The following MS4A8 variants were observed in gnomAD, a reference collection of about 807,000 sequenced individuals.
MS4A8 encodes membrane spanning 4-domains A8.
In MS4A8, 27 loss-of-function variants were observed where a neutral mutation model predicts 23.7. The ratio of observed to expected loss-of-function variants is 1.14; its 90% CI spans 0.84 to 1.57. The LOEUF (loss-of-function observed/expected upper bound fraction) is 1.57. Ranked by LOEUF, MS4A8 falls within the 40% of genes most tolerant of loss-of-function variation. MS4A8 has a pLI of 0.00. For missense variants in MS4A8, 301 were observed against 311.4 expected (o/e 0.97, Z 0.25); for synonymous variants, 138 against 126.3 (o/e 1.09, Z -0.62).
At chr11:60,711,832 CT>C (rs748597594) in intron 5 of MS4A8, 3 of 456,178 alleles carry the variant, frequency 6.6e-6, no homozygotes, top group South Asian at 4.6e-5. Flanking sequence ...AATCTTAGTT[CT>C]GCCAATGATT....
In MS4A8 at chr11:60,713,400, G is replaced by C. The variant is rs185398734; in HGVS notation, c.535-1621G>C. On this transcript the variant is annotated intron_variant, in intron 5 of 6. Coordinates refer to ENST00000300226, the MANE Select transcript of MS4A8 (RefSeq NM_031457.2). Reference sequence around the variant, plus strand: ...ATTGGGCATGGGTAATAGGATAATAGTGGAGAGAAGGTCAGAAGGTAAACA... The same window carrying C: ...ATTGGGCATGGGTAATAGGATAATACTGGAGAGAAGGTCAGAAGGTAAACA... 3.6e-3 allele frequency among the ~76,000 whole-genome samples: 547 copies of C among 152,220 alleles called. 3 individuals carry two copies. The highest frequency in any genetic ancestry group is 5.8e-3 in the Non-Finnish European group (394 of 68,046).
chr11:60,701,077 G>T lies in MS4A8; in HGVS notation c.217G>T (p.Gly73Trp). ...AGCTCTGAAAGAAGGCAAAACCTTG[G>T]GGGTAAGTGAGATTTCCCTTTGCAG... ...QKALKEGKTLGAIQIIIGLAH... is the reference protein window; with the variant it reads ...QKALKEGKTLWAIQIIIGLAH... The change falls in exon 2 of 7, where the codon GGG (glycine) becomes TGG (tryptophan). Residue 73 changes from glycine to tryptophan, a missense_variant and splice_region_variant. Gly to Trp is a radical substitution (Grantham distance 184). Transcript: ENST00000300226. 3 of 1,613,944 alleles carry T rather than the reference G, an allele frequency of 1.9e-6. No homozygotes were observed. The highest frequency in any genetic ancestry group is 1.3e-5 in the African/African-American group (1 of 75,028).
intron 5 of MS4A8, among the ~76,000 whole-genome samples, chr11:60,714,795 A>G (rs2088328178): frequency 6.6e-6 from 1 of 152,132 alleles, no homozygotes; most frequent in Admixed American, 6.5e-5. Flanking sequence ...AAACATGGTC[A>G]TCTTTTTTCT....
chr11:60,704,620 C>G (rs751487388), intron 3 of MS4A8, among the ~76,000 whole-genome samples: 1 of 152,140 alleles, frequency 6.6e-6, no homozygotes, highest in Non-Finnish European at 1.5e-5. Context: ...CAATCTAGAT[C>G]TGCAGATGGG....
Position 60,715,292 on chromosome 11 carries a change from T to C in MS4A8, c.649-18T>C. On this transcript the variant is annotated intron_variant, in intron 6 of 6. Coordinates refer to ENST00000300226, the MANE Select transcript of MS4A8 (RefSeq NM_031457.2). Reference sequence around the variant, plus strand: ...CCCGTCCTTCTTAGCATGCCCCCTGTGTGCCTGTGTTTTCCAGGTGAGTGT... The same window carrying C: ...CCCGTCCTTCTTAGCATGCCCCCTGCGTGCCTGTGTTTTCCAGGTGAGTGT... 6.2e-7 allele frequency: 1 copy of C among 1,609,970 alleles called. No individual in the cohort carries two copies. The highest frequency in any genetic ancestry group is 2.2e-5 in the East Asian group (1 of 44,862).
rs367670054 is a variant in MS4A8, at chr11:60,715,003, C to T, written c.535-18C>T. The T allele has an allele frequency of 1.3e-5, 20 of 1,584,644 alleles. No individual in the cohort carries two copies. Among genetic ancestry groups the T allele is most frequent in the Non-Finnish European group, 1.7e-5 (20 of 1,153,386 alleles). Reference sequence around the variant, plus strand: ...CCCAGTCCCGTGCTCCTGTCCTCCCCATCTGCTCTGCCTACAGAACCCTGG... The same window carrying T: ...CCCAGTCCCGTGCTCCTGTCCTCCCTATCTGCTCTGCCTACAGAACCCTGG... On this transcript the variant is annotated intron_variant, in intron 5 of 6. Transcript: ENST00000300226.
chr11:60,711,864 C>T (rs2088303428), intron 5 of MS4A8: 1 of 456,198 alleles, frequency 2.2e-6, no homozygotes, highest in Non-Finnish European at 4.4e-6. Context: ...TGAGAACTCG[C>T]CCCATGCCCA....
intron 5 of MS4A8, chr11:60,711,862 C>T (rs958626218): frequency 2.0e-5 from 9 of 456,050 alleles, no homozygotes; most frequent in Middle Eastern, 3.2e-4. Flanking sequence ...AATGAGAACT[C>T]GCCCCATGCC....
Position 60,715,387 on chromosome 11 carries a change from T to A in MS4A8, c.726T>A (p.Tyr242Ter), listed in dbSNP as rs1275554276. 1.2e-6 allele frequency: 2 copies of A among 1,613,872 alleles called. No individual in the cohort carries two copies. Among genetic ancestry groups the A allele is most frequent in the East Asian group, 4.5e-5 (2 of 44,870 alleles). The part of the protein sequence containing the change: ...TPEPVTSPPS[Y>*]SSEIQANK ...AACCGGTGACCTCACCACCAAGTTATTCCAGTGAGATCCAAGCAAATAAGT... is the reference window on the plus strand; with the variant it reads ...AACCGGTGACCTCACCACCAAGTTAATCCAGTGAGATCCAAGCAAATAAGT... The change falls in exon 7 of 7, where the codon TAT becomes TAA. Residue 242 changes from tyrosine (Y) to a stop codon, truncating the protein, a stop_gained. Coordinates refer to ENST00000300226, the MANE Select transcript of MS4A8 (RefSeq NM_031457.2). LOFTEE classifies it high-confidence loss of function.
chr11:60,701,036 G>A lies in MS4A8; in HGVS notation c.176G>A (p.Gly59Glu). 6.2e-7 allele frequency: 1 copy of A among 1,614,174 alleles called. No individual in the cohort carries two copies. Among genetic ancestry groups the A allele is most frequent in the Non-Finnish European group, 8.5e-7 (1 of 1,180,034 alleles). ...CCTAGTTTGGTGTCGAATGTGAATG[G>A]GCAGCCTGTGCAGAAAGCTCTGAAA... ...NPPSLVSNVN[G>E]QPVQKALKEG... is the part of the protein sequence containing the mutation. The change falls in exon 2 of 7, where the codon GGG becomes GAG. Residue 59 changes from glycine (G) to glutamate (E), a missense_variant. Transcript: ENST00000300226.
At position 60,715,795 on chromosome 11, in the gene MS4A8, A is replaced by G. The variant is rs1355515476; in HGVS notation, c.*381A>G. The G allele has an allele frequency of 3.8e-6, 1 of 262,782 alleles. No homozygotes were observed. Among genetic ancestry groups the G allele is most frequent in the East Asian group, 1.0e-4 (1 of 9,550 alleles). The allele number at this position is 262,782 out of a possible 1,614,324, so 16.3% of individuals were successfully genotyped here. On this transcript the variant is annotated 3_prime_UTR_variant, in exon 7 of 7. Transcript: ENST00000300226. ...TCAATTGTGCATTCATTTAATAAAT[A>G]GATACTGAGCATTCAATGTGTTCAA...
At chr11:60,705,247 G>A (rs1390574752) in intron 3 of MS4A8, among the ~76,000 whole-genome samples, 1 of 152,194 alleles carries the variant, frequency 6.6e-6, no homozygotes, top group Non-Finnish European at 1.5e-5. Flanking sequence ...CGTGGAATGT[G>A]GGGCTATGGA....
In MS4A8 at chr11:60,700,700, C is replaced by T. The variant is rs17545609; in HGVS notation, c.-1-160C>T. Reference sequence around the variant, plus strand: ...TGAAAGGAAATGTATTTGTAAAGCACCTCTTAAGTGCCCTATAACTGATAT... The same window carrying T: ...TGAAAGGAAATGTATTTGTAAAGCATCTCTTAAGTGCCCTATAACTGATAT... On this transcript the variant is annotated intron_variant, in intron 1 of 6. Coordinates refer to ENST00000300226, the MANE Select transcript of MS4A8 (RefSeq NM_031457.2). Among the ~76,000 whole-genome samples, 1,293 of 152,256 alleles carry T rather than the reference C, an allele frequency of 8.5e-3. 10 individuals are homozygous for T. The highest frequency in any genetic ancestry group is 0.014 in the Non-Finnish European group (968 of 68,024).
intron 1 of MS4A8, 85 bp from the exon 2 acceptor site, chr11:60,700,775 C>A: frequency 7.5e-7 from 1 of 1,329,234 alleles, no homozygotes; most frequent in Non-Finnish European, 1.1e-6. Context: ...TTAAGATGCT[C>A]CAATGAGCTA....
In MS4A8 at chr11:60,715,609, T is replaced by G. The variant is rs546190813; in HGVS notation, c.*195T>G. The G allele has an allele frequency of 9.7e-5, 56 of 578,844 alleles. No individual in the cohort carries two copies. Among genetic ancestry groups the G allele is most frequent in the Non-Finnish European group, 1.5e-4 (48 of 325,994 alleles). 35.9% of individuals were successfully genotyped at this position (578,844 alleles called of 1,614,324 possible). On this transcript the variant is annotated 3_prime_UTR_variant, in exon 7 of 7. Transcript: ENST00000300226. ...TCTATCAAGAAGAAGACAGAGATTT[T>G]AAACAGATGTTAACCAAGAGGGACT...
At chr11:60,700,369 A>G (rs964427412) in intron 1 of MS4A8, among the ~76,000 whole-genome samples, 2 of 151,320 alleles carry the variant, frequency 1.3e-5, no homozygotes, top group African/African-American at 4.8e-5. Flanking sequence ...AACAGGGGGA[A>G]ACCCCATCTC....
chr11:60,700,872 G>C lies in MS4A8; in HGVS notation c.12G>C (p.Met4Ile), dbSNP rs1168380345. The C allele has an allele frequency of 6.2e-7, 1 of 1,614,152 alleles. No homozygotes were observed. The highest frequency in any genetic ancestry group is 1.1e-5 in the South Asian group (1 of 91,068). Reference sequence around the variant, plus strand: ...TATTTCTTGGCAGCATGAATTCGATGACTTCAGCAGTTCCGGTGGCCAATT... The same window carrying C: ...TATTTCTTGGCAGCATGAATTCGATCACTTCAGCAGTTCCGGTGGCCAATT... The part of the protein sequence containing the change: MNS[M>I]TSAVPVANSV... Residue 4 changes from methionine (M) to isoleucine (I), a missense_variant, in exon 2 of 7, where the codon ATG (methionine) becomes ATC (isoleucine). Transcript: ENST00000300226.
chr11:60,708,906 C>G, intron 5 of MS4A8, 125 bp downstream of exon 5: 1 of 1,199,804 alleles, frequency 8.3e-7, no homozygotes, highest in Non-Finnish European at 1.2e-6. Context: ...GTGCTTTCAG[C>G]ATAGGAACAA....
At chr11:60,704,414 C>A (rs2088235109) in intron 3 of MS4A8, among the ~76,000 whole-genome samples, 1 of 152,096 alleles carries the variant, frequency 6.6e-6, no homozygotes, top group Non-Finnish European at 1.5e-5. Flanking sequence ...AGCCACCACA[C>A]CCGGCCAAAA....
Sources: allele counts gnomAD v4.1 joint callset (sites outside exome capture counted in the v4.1 genomes callset), GRCh38; gene constraint gnomAD v4.1.1; transcripts MANE v1.5; gene names NCBI Gene and HGNC (gene_info 2026-07-23, HGNC 2026-07-21).